The following CORIN variants were observed in gnomAD, a reference collection of about 807,000 sequenced individuals.
The protein encoded by CORIN is atrial natriuretic peptide-converting enzyme.
In CORIN, 117 loss-of-function variants were observed where a neutral mutation model predicts 125.3. The ratio of observed to expected loss-of-function variants is 0.93; its 90% CI spans 0.80 to 1.09. The LOEUF (loss-of-function observed/expected upper bound fraction) is 1.09, where lower values mean the gene tolerates loss of function less well. Among genes scored for constraint, CORIN ranks in the 50% least tolerant of loss-of-function variants. The probability of loss-of-function intolerance (pLI) is 0.00; values close to 1 mark genes in which losing one functional copy is unlikely to be tolerated. For missense variants in CORIN, 1,253 were observed against 1,306.7 expected (o/e 0.96, Z 0.63); for synonymous variants, 450 against 466.4 (o/e 0.96, Z 0.45).
intron 3 of CORIN, among the ~76,000 whole-genome samples, chr4:47,773,562 C>T (rs981123581): frequency 1.3e-5 from 2 of 152,144 alleles, no homozygotes; most frequent in African/African-American, 4.8e-5. Flanking sequence ...AACTTAAAAT[C>T]TATCATAAGT....
intron 17 of CORIN, 30 bp downstream of exon 17, chr4:47,626,375 T>C (rs1214223171): frequency 3.1e-6 from 4 of 1,270,432 alleles, no homozygotes; most frequent in Non-Finnish European, 4.6e-6. Context: ...GTAATCTGAC[T>C]CTACACAGCT....
At chr4:47,707,913 A>T (rs1268732683) in intron 5 of CORIN, among the ~76,000 whole-genome samples, 2 of 152,218 alleles carry the variant, frequency 1.3e-5, no homozygotes, top group African/African-American at 4.8e-5. Flanking sequence ...GCTAATACTT[A>T]TCTGGTGCTT....
intron 1 of CORIN, among the ~76,000 whole-genome samples, chr4:47,836,755 C>T (rs980327000): frequency 6.6e-6 from 1 of 152,200 alleles, no homozygotes; most frequent in African/African-American, 2.4e-5. Flanking sequence ...GTGCAAAAAG[C>T]GCGTACACTG....
At chr4:47,597,191 A>C (rs1332469040) in intron 21 of CORIN, among the ~76,000 whole-genome samples, 1 of 152,146 alleles carries the variant, frequency 6.6e-6, no homozygotes, top group Non-Finnish European at 1.5e-5. Context: ...GTCTCTACTC[A>C]AAATACAAAA....
chr4:47,798,697 A>T (rs73137906), intron 2 of CORIN, among the ~76,000 whole-genome samples: 2,747 of 152,232 alleles, frequency 0.018, 93 homozygotes, highest in African/African-American at 0.061. Flanking sequence ...TCTCTTTTTT[A>T]TAAATTTCAA....
chr4:47,808,996 A>G (rs762577201), intron 1 of CORIN, among the ~76,000 whole-genome samples: 1 of 152,244 alleles, frequency 6.6e-6, no homozygotes, highest in Non-Finnish European at 1.5e-5. Flanking sequence ...CTAAAGTGAT[A>G]TAAGAATTCA....
At chr4:47,739,866 T>C (rs979304395) in intron 5 of CORIN, among the ~76,000 whole-genome samples, 6 of 151,868 alleles carry the variant, frequency 4.0e-5, no homozygotes, top group Admixed American at 1.3e-4. Context: ...AGGATTCATC[T>C]GAACTAGACT....
intron 13 of CORIN, among the ~76,000 whole-genome samples, chr4:47,652,188 A>T (rs1029524951): frequency 2.0e-5 from 3 of 152,200 alleles, no homozygotes; most frequent in Non-Finnish European, 2.9e-5. Context: ...GTAGCTTCTA[A>T]AAACACTGTA....
intron 2 of CORIN, among the ~76,000 whole-genome samples, chr4:47,796,256 C>G (rs1731283336): frequency 6.6e-6 from 1 of 151,984 alleles, no homozygotes; most frequent in Non-Finnish European, 1.5e-5. Context: ...GGCATACACA[C>G]AATGGTATAT....
At chr4:47,704,454 T>C (rs1033605192) in intron 5 of CORIN, among the ~76,000 whole-genome samples, 8 of 152,022 alleles carry the variant, frequency 5.3e-5, no homozygotes, top group African/African-American at 1.9e-4. Context: ...TCTATAGCCA[T>C]CCAATCAAGG....
intron 16 of CORIN, among the ~76,000 whole-genome samples, chr4:47,632,785 A>T (rs1722889213): frequency 7.5e-6 from 1 of 133,050 alleles, no homozygotes; most frequent in Non-Finnish European, 1.6e-5. Flanking sequence ...AGTTAGATAG[A>T]TTTTTTTTTT....
chr4:47,791,402 T>G (rs1179462677), intron 2 of CORIN, among the ~76,000 whole-genome samples: 1 of 152,182 alleles, frequency 6.6e-6, no homozygotes, highest in African/African-American at 2.4e-5. Flanking sequence ...ATTTTGAACT[T>G]CTTAACTCTA....
chr4:47,611,873 T>G (rs1049971725), intron 19 of CORIN, among the ~76,000 whole-genome samples: 6 of 152,228 alleles, frequency 3.9e-5, no homozygotes, highest in Non-Finnish European at 7.3e-5. Context: ...CGCCTAGTTC[T>G]TTTTGTATTG....
intron 17 of CORIN, among the ~76,000 whole-genome samples, chr4:47,624,980 T>C (rs1247266010): frequency 1.3e-5 from 2 of 152,276 alleles, no homozygotes. Flanking sequence ...GCAAGTGCAA[T>C]TATTTGCATA....
intron 9 of CORIN, among the ~76,000 whole-genome samples, chr4:47,675,933 A>T (rs1229224628): frequency 1.3e-5 from 2 of 152,124 alleles, no homozygotes; most frequent in Admixed American, 1.3e-4. Context: ...TTCTCAAAGG[A>T]CTTTTCCAAG....
chr4:47,813,502 T>A (rs1484323305), intron 1 of CORIN, among the ~76,000 whole-genome samples: 1 of 152,238 alleles, frequency 6.6e-6, no homozygotes, highest in Non-Finnish European at 1.5e-5. Context: ...CTGCTATTTC[T>A]TAAGGTACAG....
At chr4:47,781,317 A>C (rs2109906785) in intron 3 of CORIN, among the ~76,000 whole-genome samples, 1 of 152,368 alleles carries the variant, frequency 6.6e-6, no homozygotes, top group South Asian at 2.1e-4. Flanking sequence ...TAATTTTTCA[A>C]CTTTACAATT....
chr4:47,818,718 C>T (rs1020386282), intron 1 of CORIN, among the ~76,000 whole-genome samples: 2 of 151,818 alleles, frequency 1.3e-5, no homozygotes, highest in Non-Finnish European at 2.9e-5. Flanking sequence ...AACAAAAATG[C>T]AAAAATTAGC....
intron 5 of CORIN, among the ~76,000 whole-genome samples, chr4:47,731,889 A>C (rs573146883): frequency 1.3e-5 from 2 of 152,164 alleles, no homozygotes; most frequent in East Asian, 3.9e-4. Context: ...AAGAAAAAAA[A>C]TTAGCAAATG....
Sources: allele counts gnomAD v4.1 joint callset (sites outside exome capture counted in the v4.1 genomes callset), GRCh38; gene constraint gnomAD v4.1.1; transcripts MANE v1.5; gene names NCBI Gene and HGNC (gene_info 2026-07-23, HGNC 2026-07-21).